Variants in EXOC2 observed in about 807,000 individuals in gnomAD.
The protein encoded by EXOC2 is exocyst complex component 2, also known as SEC5-like 1.
EXOC2 carries 70 observed loss-of-function variants against 131.8 expected under a neutral mutation model. The observed-to-expected ratio is 0.53, with a 90% confidence interval of 0.44 to 0.65. The LOEUF is 0.65. Ranked by LOEUF, EXOC2 falls within the 30% of genes least tolerant of loss-of-function variation. The pLI is 0.00. For missense variants in EXOC2, 923 were observed against 1,108.6 expected (o/e 0.83, Z 2.38); for synonymous variants, 411 against 398.4 (o/e 1.03, Z -0.38).
At chr6:508,079 C>A (rs1764660759) in intron 23 of EXOC2, among the ~76,000 whole-genome samples, 1 of 152,160 alleles carries the variant, frequency 6.6e-6, no homozygotes, top group African/African-American at 2.4e-5. Flanking sequence ...GTTACACATT[C>A]TCTTCTTGAA....
chr6:500,101 AACAC>A (rs370940218), intron 23 of EXOC2, among the ~76,000 whole-genome samples: 4 of 151,774 alleles, frequency 2.6e-5, no homozygotes, highest in South Asian at 2.1e-4. Flanking sequence ...TATACTGTAA[AACAC>A]ACACACACAC....
At chr6:595,383 G>A (rs947138989) in intron 10 of EXOC2, among the ~76,000 whole-genome samples, 2 of 151,872 alleles carry the variant, frequency 1.3e-5, no homozygotes, top group Admixed American at 6.6e-5. Context: ...ATTTCTTAGC[G>A]ACTAAAAATT....
rs766985977 is a variant in EXOC2 at position 556,547 on chromosome 6, C to G, written c.1869G>C (p.Gln623His). ...GLTSLPCQFE[Q>H]CIVCSLQSLK... ...GTGACTGCAGAGAACACACGATGCA[C>G]TGTTCAAACTGACATGGCTGAAGGG... Residue 623 changes from glutamine (Q) to histidine (H), a missense_variant, in exon 18 of 28, where the codon CAG becomes CAC. Coordinates refer to ENST00000230449, the MANE Select transcript of EXOC2 (RefSeq NM_018303.6). The G allele has an allele frequency of 8.1e-6, 13 of 1,614,192 alleles. No individual in the cohort carries two copies. In the South Asian group the frequency reaches 1.4e-4, roughly 18 times the overall value.
intron 6 of EXOC2, among the ~76,000 whole-genome samples, chr6:616,779 T>A (rs975875899): frequency 4.0e-5 from 6 of 151,362 alleles, no homozygotes; most frequent in Admixed American, 3.3e-4. Context: ...GGTCTCGCTC[T>A]GTCACCAGGC....
intron 1 of EXOC2, among the ~76,000 whole-genome samples, chr6:682,202 T>TTC (rs1554151158): frequency 7.4e-6 from 1 of 135,242 alleles, no homozygotes; most frequent in African/African-American, 3.2e-5. Context: ...CCAGTTTCTT[T>TTC]TTTTTTTTTT....
chr6:503,336 T>TA (rs1764340529), intron 23 of EXOC2, among the ~76,000 whole-genome samples: 4 of 152,198 alleles, frequency 2.6e-5, no homozygotes. Context: ...GTAGAACACG[T>TA]ATACATCTCC....
At chr6:623,031 A>G (rs1007663551) in intron 4 of EXOC2, among the ~76,000 whole-genome samples, 1 of 152,216 alleles carries the variant, frequency 6.6e-6, no homozygotes, top group African/African-American at 2.4e-5. Context: ...CCTCATCCTC[A>G]GAAGGAGCAG....
At chr6:639,253 G>A (rs1405944207) in intron 1 of EXOC2, among the ~76,000 whole-genome samples, 1 of 152,146 alleles carries the variant, frequency 6.6e-6, no homozygotes, top group Admixed American at 6.5e-5. Context: ...GTGGGACTCA[G>A]GCTGCCTCCC....
chr6:499,656 C>G lies in EXOC2; in HGVS notation c.2425G>C (p.Val809Leu). Residue 809 changes from valine (V) to leucine (L), a missense_variant, in exon 24 of 28, where the codon GTG becomes CTG. Physicochemically the swap from Val to Leu is conservative, Grantham distance 32. Coordinates refer to ENST00000230449, the MANE Select transcript of EXOC2 (RefSeq NM_018303.6). ...LKEALVNIIA[V>L]HAEVFTISKE... ...TAATGATACTTTACCTCTGCATGCA[C>G]GGCAATTATATTCACCAGTGCTTCT... The G allele has an allele frequency of 6.2e-7, 1 of 1,613,510 alleles. No homozygotes were observed.
chr6:656,539 C>A lies in EXOC2; in HGVS notation c.-43-18678G>T, dbSNP rs76953401. 1.8e-3 allele frequency: 2,888 copies of A among 1,601,012 alleles called. 44 individuals are homozygous for A. In the African/African-American group the frequency reaches 0.034, roughly 19 times the overall value. On this transcript the variant is annotated intron_variant, in intron 1 of 27. Coordinates refer to ENST00000230449, the MANE Select transcript of EXOC2 (RefSeq NM_018303.6). Reference sequence around the variant, plus strand: ...TCCCGCCACACTCTCCTGGGAAGCACCCGCACGGGCAGATCGTGCACCACG... The same window carrying A: ...TCCCGCCACACTCTCCTGGGAAGCAACCGCACGGGCAGATCGTGCACCACG...
intron 2 of EXOC2, among the ~76,000 whole-genome samples, chr6:634,360 C>T (rs544589809): frequency 1.1e-3 from 169 of 152,338 alleles, no homozygotes; most frequent in African/African-American, 3.8e-3. Context: ...GCTAGGATTA[C>T]AGGTGTGAGC....
rs1156561622 is a variant in EXOC2 at position 549,182 on chromosome 6, A to AT, written c.2230dup (p.Ile744AsnfsTer5). 3 of 1,613,530 alleles carry AT rather than the reference A, an allele frequency of 1.9e-6. No homozygotes were observed. Among genetic ancestry groups the AT allele is most frequent in the Admixed American group, 1.7e-5 (1 of 59,996 alleles). On this transcript the variant is annotated frameshift_variant, in exon 22 of 28. Transcript: ENST00000230449. LOFTEE classifies it high-confidence loss of function. Reference sequence around the variant, plus strand: ...TTACATGAACTCGCTTACCTGTGTGATTTTTTCTATTCCCTGGAAGTTGTG... The same window carrying AT: ...TTACATGAACTCGCTTACCTGTGTGATTTTTTTCTATTCCCTGGAAGTTGTG...
chr6:602,473 ACACCC>A (rs879563335), intron 7 of EXOC2, among the ~76,000 whole-genome samples: 83,934 of 142,890 alleles, frequency 0.59, 29,967 homozygotes, highest in Admixed American at 0.71. Flanking sequence ...CACACCAAGA[ACACCC>A]CGTGTGCAAA....
intron 1 of EXOC2, among the ~76,000 whole-genome samples, 192 bp downstream of exon 1, chr6:692,827 G>GGCGGGGATGAGGGCT (rs1554154216): frequency 6.9e-6 from 1 of 144,858 alleles, no homozygotes; most frequent in Non-Finnish European, 1.5e-5. Flanking sequence ...GGCGGCTGAC[G>GGCGGGGATGAGGGCT]GCGGGGATGG....
At chr6:581,158 C>T (rs1367611308) in intron 11 of EXOC2, among the ~76,000 whole-genome samples, 7 of 151,876 alleles carry the variant, frequency 4.6e-5, no homozygotes, top group African/African-American at 1.7e-4. Context: ...TTAGCCAGCG[C>T]GGTGGCACAT....
intron 24 of EXOC2, among the ~76,000 whole-genome samples, chr6:498,545 A>G (rs1285174766): frequency 6.6e-6 from 1 of 152,202 alleles, no homozygotes; most frequent in East Asian, 1.9e-4. Flanking sequence ...ATCATATAAA[A>G]ACTCTATTGT....
At chr6:641,262 A>T (rs192257284) in intron 1 of EXOC2, among the ~76,000 whole-genome samples, 7 of 151,930 alleles carry the variant, frequency 4.6e-5, no homozygotes, top group Admixed American at 3.9e-4. Flanking sequence ...GGCAGGAGAG[A>T]GTGGAATGAG....
rs193014903 is a variant in EXOC2, at chr6:514,576, G to T, written c.2381-14876C>A. 7.2e-5 allele frequency among the ~76,000 whole-genome samples: 11 copies of T among 152,316 alleles called. No homozygotes were observed. The East Asian group carries it at 2.1e-3, about 29-fold the overall frequency. ...GCTCCCACTTTCCCATGCTCTGAGCGCGTGGTTTGGAGCCCCTGGTGTGCA... is the reference window on the plus strand; with the variant it reads ...GCTCCCACTTTCCCATGCTCTGAGCTCGTGGTTTGGAGCCCCTGGTGTGCA... On this transcript the variant is annotated intron_variant, in intron 23 of 27. Coordinates refer to ENST00000230449, the MANE Select transcript of EXOC2 (RefSeq NM_018303.6).
At chr6:527,520 T>C (rs980781048) in intron 23 of EXOC2, among the ~76,000 whole-genome samples, 2 of 152,284 alleles carry the variant, frequency 1.3e-5, no homozygotes, top group Admixed American at 6.5e-5. Flanking sequence ...GCACACTGCC[T>C]GGACAACACA....
Sources: gnomAD v4.1 joint callset for allele counts (sites outside exome capture counted in the v4.1 genomes callset) on GRCh38, gnomAD v4.1.1 for gene constraint, MANE v1.5 for transcripts, NCBI Gene and HGNC (gene_info 2026-07-23, HGNC 2026-07-21) for gene names.